The following ADAM2 variants were observed in gnomAD, a reference collection of about 807,000 sequenced individuals.
The protein encoded by ADAM2 is disintegrin and metalloproteinase domain-containing protein 2.
Under a neutral mutation model 99.3 loss-of-function variants are expected in ADAM2, and 101 were observed. The ratio of observed to expected loss-of-function variants is 1.02; its 90% CI spans 0.87 to 1.20. ADAM2 has a LOEUF of 1.20. ADAM2 is among the 50% of genes most tolerant of loss of function. The pLI, the probability that ADAM2 is intolerant of heterozygous loss-of-function variation, is 0.00. For missense variants in ADAM2, 948 were observed against 878.7 expected (o/e 1.08, Z -1.00); for synonymous variants, 323 against 287.6 (o/e 1.12, Z -1.25).
At chr8:39,819,610 C>T (rs1385378623) in intron 6 of ADAM2, among the ~76,000 whole-genome samples, 1 of 152,100 alleles carries the variant, frequency 6.6e-6, no homozygotes, top group Non-Finnish European at 1.5e-5. Context: ...TGAACTTCAT[C>T]CAATCAGTTA....
chr8:39,760,163 G>T (rs1403560237), intron 15 of ADAM2, among the ~76,000 whole-genome samples: 1 of 151,964 alleles, frequency 6.6e-6, no homozygotes, highest in Non-Finnish European at 1.5e-5. Context: ...TACCCCGCCC[G>T]GTCTTCTAGT....
Position 39,833,825 on chromosome 8 carries a change from G to A in ADAM2, c.188+119C>T, listed in dbSNP as rs192664877. On this transcript the variant is annotated intron_variant, in intron 3 of 20. Transcript: ENST00000265708. ...AGGCTTAAATCATATGATAAGGGATGAATGAATGGCAAGAAGCTAGAAATA... is the reference window on the plus strand; with the variant it reads ...AGGCTTAAATCATATGATAAGGGATAAATGAATGGCAAGAAGCTAGAAATA... 3.7e-3 allele frequency: 2,522 copies of A among 682,508 alleles called. 18 individuals carry two copies. Among genetic ancestry groups the A allele is most frequent in the Middle Eastern group, 0.023 (59 of 2,618 alleles). 42.3% of individuals were successfully genotyped at this position (682,508 alleles called of 1,614,324 possible). A position where few individuals can be genotyped will look rare whatever the true frequency, so the allele number is the denominator to read the frequency against.
intron 6 of ADAM2, among the ~76,000 whole-genome samples, chr8:39,816,015 G>T (rs1016394588): frequency 1.3e-5 from 2 of 152,076 alleles, no homozygotes; most frequent in Admixed American, 6.6e-5. Flanking sequence ...TGTGGAGGAG[G>T]TCAGGCACGG....
chr8:39,765,207 C>T (rs180833734), intron 14 of ADAM2, among the ~76,000 whole-genome samples: 17 of 152,206 alleles, frequency 1.1e-4, no homozygotes, highest in African/African-American at 4.1e-4. Context: ...TTGAATCTGT[C>T]TTCTCATAGA....
chr8:39,809,542 T>C, intron 6 of ADAM2, 76 bp from the exon 7 acceptor site: 1 of 665,186 alleles, frequency 1.5e-6, no homozygotes, highest in Admixed American at 2.7e-5. Flanking sequence ...CTACTATTAA[T>C]GAACTAAATA....
At position 39,820,428 on chromosome 8, in the gene ADAM2, G is replaced by C. The variant is rs150831073; in HGVS notation, c.513+574C>G. On this transcript the variant is annotated intron_variant, in intron 6 of 20. Transcript: ENST00000265708. Reference sequence around the variant, plus strand: ...GCCGTCAAAGAGAAAGCATTGAGTGGGAAGCAGTGGGATCCTGAAAATTGG... The same window carrying C: ...GCCGTCAAAGAGAAAGCATTGAGTGCGAAGCAGTGGGATCCTGAAAATTGG... Among the ~76,000 whole-genome samples, 494 of 152,268 alleles carry C rather than the reference G, an allele frequency of 3.2e-3. 22 individuals are homozygous for C. In the East Asian group the frequency reaches 0.079, roughly 24 times the overall value.
At chr8:39,765,265 A>C in intron 14 of ADAM2, among the ~76,000 whole-genome samples, 1 of 152,110 alleles carries the variant, frequency 6.6e-6, no homozygotes, top group Non-Finnish European at 1.5e-5. Flanking sequence ...GCATTAAAGG[A>C]AATTGGAAAG....
In ADAM2 at chr8:39,744,431, C is replaced by G. The variant is rs546665926; in HGVS notation, c.*31-367G>C. On this transcript the variant is annotated intron_variant, in intron 20 of 20. Transcript: ENST00000265708. ...ATATATTACGTTCTTTCTCTCTCCT[C>G]CCCCCAACCCCCCCATCCTTAAAAT... is the stretch of plus-strand genomic sequence containing the variant. 9.2e-5 allele frequency among the ~76,000 whole-genome samples: 14 copies of G among 151,760 alleles called. No homozygotes were observed. In the South Asian group the frequency reaches 2.3e-3, roughly 25 times the overall value.
chr8:39,784,785 T>C (rs1253501592), intron 10 of ADAM2, among the ~76,000 whole-genome samples: 2 of 152,198 alleles, frequency 1.3e-5, no homozygotes, highest in African/African-American at 2.4e-5. Context: ...AACTTGTTCA[T>C]AAATATTGAA....
chr8:39,766,957 T>C lies in ADAM2; in HGVS notation c.1398A>G (p.Pro466=). The C allele has an allele frequency of 2.5e-6, 4 of 1,614,188 alleles. No individual in the cohort carries two copies. Among genetic ancestry groups the C allele is most frequent in the Non-Finnish European group, 3.4e-6 (4 of 1,180,014 alleles). ...GCCCAGTCTGAACATAGTGGTTTTC[T>C]GGGCATGATGCAGATGATCCATTGC... ...EYCNGSSASC[P]ENHYVQTGHP... Residue 466 remains proline (P), a synonymous_variant, in exon 14 of 21, where the codon CCA becomes CCG. Transcript: ENST00000265708.
chr8:39,761,891 C>G (rs1205592000), intron 14 of ADAM2, among the ~76,000 whole-genome samples: 1 of 152,160 alleles, frequency 6.6e-6, no homozygotes, highest in Non-Finnish European at 1.5e-5. Flanking sequence ...ACCAGCCTGT[C>G]TAACACAGTG....
chr8:39,745,139 G>C (rs1353224113), intron 19 of ADAM2, among the ~76,000 whole-genome samples: 1 of 152,176 alleles, frequency 6.6e-6, no homozygotes, highest in South Asian at 2.1e-4. Flanking sequence ...AAGAAACTTA[G>C]ATCATTGTTA....
At position 39,784,600 on chromosome 8, in the gene ADAM2, G is replaced by A. The variant is rs139355942; in HGVS notation, c.891+2374C>T. Among the ~76,000 whole-genome samples the A allele has an allele frequency of 3.9e-5, 6 of 152,140 alleles. No individual in the cohort carries two copies. The East Asian group carries it at 7.7e-4, about 20-fold the overall frequency. On this transcript the variant is annotated intron_variant, in intron 10 of 20. Transcript: ENST00000265708. ...ACTATGTTGCCCATGCTGGAAGCCC[G>A]CCCTGTAGAGAAAATCAGTTCTGCT...
chr8:39,764,321 G>A (rs538308221), intron 14 of ADAM2, among the ~76,000 whole-genome samples: 3 of 152,238 alleles, frequency 2.0e-5, no homozygotes, highest in African/African-American at 7.2e-5. Flanking sequence ...GAGGCAAAAA[G>A]ATCACTTGAC....
intron 16 of ADAM2, among the ~76,000 whole-genome samples, chr8:39,754,632 T>C (rs1802078119): frequency 6.6e-6 from 1 of 152,234 alleles, no homozygotes; most frequent in Non-Finnish European, 1.5e-5. Flanking sequence ...TTTTTATTTG[T>C]ATACACTCTT....
At chr8:39,752,755 T>C (rs1041003578) in intron 16 of ADAM2, among the ~76,000 whole-genome samples, 4 of 152,106 alleles carry the variant, frequency 2.6e-5, no homozygotes, top group Non-Finnish European at 5.9e-5. Context: ...GGTCTCCTGA[T>C]AGTGAGTAAG....
At chr8:39,802,444 A>G (rs779655742) in intron 7 of ADAM2, among the ~76,000 whole-genome samples, 2 of 152,106 alleles carry the variant, frequency 1.3e-5, no homozygotes, top group Non-Finnish European at 2.9e-5. Context: ...CCACCTCATT[A>G]TTAGATTCTA....
At chr8:39,772,006 C>A (rs887262325) in intron 11 of ADAM2, among the ~76,000 whole-genome samples, 12 of 149,900 alleles carry the variant, frequency 8.0e-5, no homozygotes, top group South Asian at 2.1e-4. Context: ...TGCAGCACAC[C>A]GAAATGGTGC....
At chr8:39,837,285 T>A in intron 1 of ADAM2, 73 bp from the exon 2 acceptor site, 1 of 1,031,286 alleles carries the variant, frequency 9.7e-7, no homozygotes. Flanking sequence ...GTTTTTCATC[T>A]AAATCTCTAA....
Sources: gnomAD v4.1 joint callset for allele counts (sites outside exome capture counted in the v4.1 genomes callset) on GRCh38, gnomAD v4.1.1 for gene constraint, MANE v1.5 for transcripts, NCBI Gene and HGNC (gene_info 2026-07-23, HGNC 2026-07-21) for gene names.